MCU: variants seen among roughly 807,000 people sequenced by gnomAD.
The protein encoded by MCU is mitochondrial calcium uniporter, also known as calcium uniporter protein, mitochondrial.
Under a neutral mutation model 45.2 loss-of-function variants are expected in MCU, and 12 were observed. That is an observed-to-expected ratio of 0.27 (90% CI 0.17 to 0.43). The LOEUF (loss-of-function observed/expected upper bound fraction) is 0.43, where lower values mean the gene tolerates loss of function less well. Ranked by LOEUF, MCU falls within the 20% of genes least tolerant of loss-of-function variation. The pLI is 1.00. For synonymous variants in MCU, 160 were observed against 165.1 expected, an observed-to-expected ratio of 0.97 and a Z score of 0.24; for missense variants, 324 against 436.7, an observed-to-expected ratio of 0.74 and a Z score of 2.30.
intron 1 of MCU, among the ~76,000 whole-genome samples, chr10:72,743,146 C>T (rs1233356346): frequency 6.6e-6 from 1 of 151,960 alleles, no homozygotes; most frequent in East Asian, 1.9e-4. Flanking sequence ...TGGTGGCTCA[C>T]ACCTGTAATC....
intron 2 of MCU, among the ~76,000 whole-genome samples, chr10:72,836,706 A>C (rs1193602482): frequency 4.6e-5 from 7 of 152,224 alleles, no homozygotes; most frequent in Non-Finnish European, 8.8e-5. Context: ...TACCAACACT[A>C]TCCTTCTTAA....
chr10:72,838,612 G>A (rs1027349658), intron 2 of MCU, among the ~76,000 whole-genome samples: 1 of 151,984 alleles, frequency 6.6e-6, no homozygotes, highest in Non-Finnish European at 1.5e-5. Flanking sequence ...CCTCCTGAAC[G>A]ACAGAGTCAG....
chr10:72,805,789 C>T (rs74145963), intron 1 of MCU, among the ~76,000 whole-genome samples: 5,870 of 152,242 alleles, frequency 0.039, 387 homozygotes, highest in African/African-American at 0.13. Flanking sequence ...CATAGAGCAA[C>T]AGTCTAGTAG....
chr10:72,880,505 T>A (rs1387865198), intron 6 of MCU, among the ~76,000 whole-genome samples: 6 of 151,726 alleles, frequency 4.0e-5, no homozygotes. Context: ...TAGAAATATA[T>A]GTATAAAAAA....
At chr10:72,730,275 A>T (rs1201994883) in intron 1 of MCU, among the ~76,000 whole-genome samples, 2 of 147,516 alleles carry the variant, frequency 1.4e-5, no homozygotes, top group African/African-American at 5.0e-5. Context: ...ACATTCTTTT[A>T]AACTTTGTTC....
chr10:72,766,221 C>T (rs12098349), intron 1 of MCU, among the ~76,000 whole-genome samples: 2,927 of 152,220 alleles, frequency 0.019, 105 homozygotes, highest in African/African-American at 0.067. Flanking sequence ...GAGAAAGTTG[C>T]AAATTTCAAG....
chr10:72,741,193 G>A (rs920790099), intron 1 of MCU, among the ~76,000 whole-genome samples: 1 of 150,432 alleles, frequency 6.6e-6, no homozygotes, highest in African/African-American at 2.4e-5. Context: ...TCTGCCTCCT[G>A]GGTTCAAGTG....
At chr10:72,785,806 C>T (rs971577134) in intron 1 of MCU, among the ~76,000 whole-genome samples, 3 of 152,062 alleles carry the variant, frequency 2.0e-5, no homozygotes, top group African/African-American at 4.8e-5. Flanking sequence ...TTGTCAATGT[C>T]GTAGTAGAAA....
intron 1 of MCU, among the ~76,000 whole-genome samples, chr10:72,782,628 A>G (rs1250184471): frequency 2.6e-5 from 4 of 152,210 alleles, no homozygotes; most frequent in East Asian, 3.8e-4. Flanking sequence ...TTGGCCTCCC[A>G]AAGTGTTGGG....
chr10:72,714,771 C>G (rs1019179377), intron 1 of MCU, among the ~76,000 whole-genome samples: 75 of 151,720 alleles, frequency 4.9e-4, no homozygotes, highest in African/African-American at 1.8e-3. Flanking sequence ...CTTGAATTCC[C>G]AACTTCAGGT....
intron 1 of MCU, among the ~76,000 whole-genome samples, chr10:72,829,130 G>C (rs972457060): frequency 6.6e-6 from 1 of 152,098 alleles, no homozygotes; most frequent in Non-Finnish European, 1.5e-5. Context: ...AGACCAGCCA[G>C]GCCAACATGG....
intron 1 of MCU, among the ~76,000 whole-genome samples, chr10:72,782,569 G>A (rs1564555273): frequency 1.3e-5 from 2 of 152,000 alleles, no homozygotes; most frequent in South Asian, 2.1e-4. Flanking sequence ...GCGGGGTTTC[G>A]CCATGTTGGC....
chr10:72,741,656 G>A (rs945003417), intron 1 of MCU, among the ~76,000 whole-genome samples: 1 of 152,154 alleles, frequency 6.6e-6, no homozygotes, highest in African/African-American at 2.4e-5. Context: ...AGTTGATGAT[G>A]GCTTGTAGGT....
Position 72,881,827 on chromosome 10 carries a change from A to G in MCU, c.862-2439A>G, listed in dbSNP as rs991639667. Among the ~76,000 whole-genome samples the G allele has an allele frequency of 2.6e-5, 4 of 152,342 alleles. No individual in the cohort carries two copies. The South Asian group carries it at 6.2e-4, about 24-fold the overall frequency. Reference sequence around the variant, plus strand: ...GTATCTCCAAGAGAAATGAAAATGTACATCCACACAAAAACTTGTACACAA... The same window carrying G: ...GTATCTCCAAGAGAAATGAAAATGTGCATCCACACAAAAACTTGTACACAA... On this transcript the variant is annotated intron_variant, in intron 6 of 7. Transcript: ENST00000373053.
chr10:72,756,389 A>G (rs1472659410), intron 1 of MCU: 1 of 152,222 alleles, frequency 6.6e-6, no homozygotes, highest in African/African-American at 2.4e-5. Flanking sequence ...GATTGTTAGC[A>G]TTTAAGAACT....
At chr10:72,819,126 T>C (rs987928878) in intron 1 of MCU, among the ~76,000 whole-genome samples, 1 of 152,160 alleles carries the variant, frequency 6.6e-6, no homozygotes, top group Non-Finnish European at 1.5e-5. Context: ...GTCTGGAAAT[T>C]TACCAACATC....
At chr10:72,771,930 C>G (rs996998319) in intron 1 of MCU, among the ~76,000 whole-genome samples, 22 of 152,204 alleles carry the variant, frequency 1.4e-4, no homozygotes, top group African/African-American at 5.3e-4. Flanking sequence ...CCACCCCATT[C>G]TACCCAGGAC....
intron 6 of MCU, among the ~76,000 whole-genome samples, chr10:72,872,773 A>G (rs547670215): frequency 6.6e-6 from 1 of 152,280 alleles, no homozygotes; most frequent in East Asian, 1.9e-4. Context: ...TCCTTTGGAT[A>G]TATGCCCACT....
chr10:72,746,673 G>A (rs748919538), intron 1 of MCU, among the ~76,000 whole-genome samples: 1 of 152,182 alleles, frequency 6.6e-6, no homozygotes, highest in Non-Finnish European at 1.5e-5. Flanking sequence ...TGTGCTAATT[G>A]CATAATTGTA....
Sources: allele counts gnomAD v4.1 joint callset (sites outside exome capture counted in the v4.1 genomes callset), GRCh38; gene constraint gnomAD v4.1.1; transcripts MANE v1.5; gene names NCBI Gene and HGNC (gene_info 2026-07-23, HGNC 2026-07-21).